Variants in TENM3 observed in about 807,000 individuals in gnomAD.
The protein encoded by TENM3 is teneurin transmembrane protein 3, also known as teneurin-3.
TENM3 carries 63 observed loss-of-function variants against 255.1 expected under a neutral mutation model. The observed-to-expected ratio is 0.25, with a 90% CI of 0.20 to 0.30. The LOEUF is 0.30. TENM3 is among the 10% of genes least tolerant of loss of function. The probability of loss-of-function intolerance (pLI) is 1.00; values close to 1 mark genes in which losing one functional copy is unlikely to be tolerated. For missense variants in TENM3, 2,929 were observed against 3,461.1 expected (o/e 0.85, Z 3.86); for synonymous variants, 1,306 against 1,322.3 (o/e 0.99, Z 0.27).
intron 3 of TENM3, among the ~76,000 whole-genome samples, chr4:182,371,168 G>T (rs1401031895): frequency 6.6e-6 from 1 of 150,934 alleles, no homozygotes; most frequent in African/African-American, 2.4e-5. Flanking sequence ...TATTCACTGA[G>T]CTTTTTCCCA....
the TENM3 span, among the ~76,000 whole-genome samples, chr4:181,702,218 C>T: frequency 3.3e-5 from 5 of 152,182 alleles, no homozygotes; most frequent in African/African-American, 7.2e-5. Flanking sequence ...TTCTGGTCCT[C>T]GCTGTCATTC....
chr4:181,465,124 A>C, the TENM3 span, among the ~76,000 whole-genome samples: 1 of 152,106 alleles, frequency 6.6e-6, no homozygotes, highest in Non-Finnish European at 1.5e-5. Flanking sequence ...ACTTTGAGTC[A>C]ATTTTCTTAT....
In TENM3 at chr4:182,799,649, G is replaced by C. The variant is rs1485977049; in HGVS notation, c.7398G>C (p.Ser2466=). 2.6e-6 allele frequency: 4 copies of C among 1,547,270 alleles called. No individual in the cohort carries two copies. The highest frequency in any genetic ancestry group is 3.5e-6 in the Non-Finnish European group (4 of 1,146,668). ...QVARQAKAFL[S]LGKMAEVQVS... ...CGCGGCAGGCCAAGGCCTTCCTGTC[G>C]CTGGGGAAGATGGCCGAGGTGCAGG... Residue 2466 remains serine (S), a synonymous_variant, in exon 28 of 28, where the codon TCG becomes TCC. Transcript: ENST00000511685. The surrounding 1 kb of genome is among the most constrained non-coding windows in gnomAD (Gnocchi z 4.2).
intron 9 of TENM3, 47 bp downstream of exon 9, chr4:182,680,396 G>C: frequency 7.8e-7 from 1 of 1,285,080 alleles, no homozygotes; most frequent in Non-Finnish European, 1.1e-6. Context: ...ATAAGCTGTA[G>C]AAACACAAGT....
chr4:182,743,827 C>A (rs1330158858), intron 19 of TENM3, among the ~76,000 whole-genome samples: 1 of 152,106 alleles, frequency 6.6e-6, no homozygotes, highest in East Asian at 1.9e-4. Context: ...TGGACTAAGG[C>A]TACAACTTTT....
the TENM3 span, among the ~76,000 whole-genome samples, chr4:181,853,834 G>T: frequency 5.9e-5 from 9 of 152,224 alleles, no homozygotes; most frequent in Admixed American, 2.6e-4. Context: ...CCTTTCCAAA[G>T]CATATTGGCA....
chr4:181,728,767 C>T, the TENM3 span, among the ~76,000 whole-genome samples: 1 of 152,144 alleles, frequency 6.6e-6, no homozygotes, highest in Non-Finnish European at 1.5e-5. Flanking sequence ...GAATGCCTAA[C>T]CTCCTGGGAA....
the TENM3 span, among the ~76,000 whole-genome samples, chr4:181,765,726 G>A: frequency 6.6e-6 from 1 of 152,108 alleles, no homozygotes; most frequent in Non-Finnish European, 1.5e-5. Context: ...CAGAGTATGT[G>A]GAATTATGTT....
chr4:182,130,045 C>T, the TENM3 span, among the ~76,000 whole-genome samples: 38 of 152,136 alleles, frequency 2.5e-4, no homozygotes, highest in African/African-American at 8.9e-4. Context: ...TAGTTTACCA[C>T]TCCAAATTAG....
the TENM3 span, among the ~76,000 whole-genome samples, chr4:182,131,882 A>T: frequency 9.7e-3 from 1,478 of 152,170 alleles, 18 homozygotes; most frequent in African/African-American, 0.034. Flanking sequence ...GCAAACTTAC[A>T]ATTCACCTTG....
chr4:182,282,305 A>G (rs746007914), intron 1 of TENM3, among the ~76,000 whole-genome samples: 4 of 152,196 alleles, frequency 2.6e-5, no homozygotes, highest in Non-Finnish European at 2.9e-5. Context: ...TTTCAAGGAC[A>G]GTAGTGAGGA....
At chr4:181,554,322 A>T in the TENM3 span, among the ~76,000 whole-genome samples, 5 of 152,336 alleles carry the variant, frequency 3.3e-5, no homozygotes, top group South Asian at 1.0e-3. Context: ...AAACATTAAC[A>T]GAGTGAGTTT....
At chr4:181,802,082 G>T in the TENM3 span, among the ~76,000 whole-genome samples, 2 of 152,134 alleles carry the variant, frequency 1.3e-5, no homozygotes, top group Non-Finnish European at 2.9e-5. Flanking sequence ...CAGGATGGCC[G>T]GTTCTTGCTT....
At chr4:182,244,791 G>T (rs1002827266) in intron 1 of TENM3, among the ~76,000 whole-genome samples, 5 of 152,174 alleles carry the variant, frequency 3.3e-5, no homozygotes, top group Non-Finnish European at 7.3e-5. Flanking sequence ...CAACTGTCCA[G>T]CTTTCTGAGA....
At chr4:182,383,333 T>C (rs1767695112) in intron 3 of TENM3, among the ~76,000 whole-genome samples, 1 of 152,038 alleles carries the variant, frequency 6.6e-6, no homozygotes, top group African/African-American at 2.4e-5. Flanking sequence ...CTGGGCTATG[T>C]GGGCCCAGCA....
At chr4:182,350,901 T>TC (rs1473293567) in intron 3 of TENM3, among the ~76,000 whole-genome samples, 1 of 151,998 alleles carries the variant, frequency 6.6e-6, no homozygotes, top group African/African-American at 2.4e-5. Flanking sequence ...GCCAGGATGG[T>TC]CTCAATCTCT....
the TENM3 span, among the ~76,000 whole-genome samples, chr4:181,602,228 T>A: frequency 1.3e-5 from 2 of 152,214 alleles, no homozygotes; most frequent in African/African-American, 4.8e-5. Context: ...CCAAAGTGCA[T>A]GTAACAATTT....
chr4:182,701,181 A>G (rs1324853126), intron 12 of TENM3, among the ~76,000 whole-genome samples: 8 of 140,674 alleles, frequency 5.7e-5, no homozygotes, highest in Admixed American at 5.7e-4. Context: ...GGGTAAAATA[A>G]TGCTTTTCAC....
chr4:182,784,488 A>T (rs1174125704), intron 24 of TENM3, among the ~76,000 whole-genome samples: 1 of 151,388 alleles, frequency 6.6e-6, no homozygotes, highest in Admixed American at 6.6e-5. Flanking sequence ...AAGTCTGCAG[A>T]GGTTACTGCT....
Sources: gnomAD v4.1 joint callset for allele counts (sites outside exome capture counted in the v4.1 genomes callset) on GRCh38, gnomAD v4.1.1 for gene constraint, Gnocchi (gnomAD v3.1) non-coding constraint, MANE v1.5 for transcripts, NCBI Gene and HGNC (gene_info 2026-07-23, HGNC 2026-07-21) for gene names.